ASRGL1: variants seen among roughly 807,000 people sequenced by gnomAD.
ASRGL1 encodes asparaginase and isoaspartyl peptidase 1.
Under a neutral mutation model 22.4 loss-of-function variants are expected in ASRGL1, and 16 were observed. The ratio of observed to expected loss-of-function variants is 0.71; its 90% CI spans 0.48 to 1.08. The LOEUF is 1.08. ASRGL1 is among the 50% of genes least tolerant of loss of function. The probability of loss-of-function intolerance (pLI) is 0.00; values close to 1 mark genes in which losing one functional copy is unlikely to be tolerated. For synonymous variants in ASRGL1, 165 were observed against 159.3 expected, an observed-to-expected ratio of 1.04 and a Z score of -0.27; for missense variants, 412 against 410.1, an observed-to-expected ratio of 1.00 and a Z score of -0.04.
At position 62,383,913 on chromosome 11, in the gene ASRGL1, C is replaced by CAAA. The variant is rs35068655; in HGVS notation, c.492-5206_492-5204dup. ...TGGGCGACAGGGCAAGAGTTGGTCT[C>CAAA]AAAAAAAAAAAAAAAATCAGTACTC... is the stretch of plus-strand genomic sequence containing the variant. On this transcript the variant is annotated intron_variant, in intron 4 of 6. Transcript: ENST00000415229. Among the ~76,000 whole-genome samples the CAAA allele has an allele frequency of 1.1e-3, 132 of 122,230 alleles. 9 individuals are homozygous for CAAA. The highest frequency in any genetic ancestry group is 1.8e-3 in the East Asian group (7 of 3,996). 80.2% of individuals were successfully genotyped at this position (122,230 alleles called of 152,430 possible).
chr11:62,352,866 T>C (rs1204717718), intron 2 of ASRGL1, among the ~76,000 whole-genome samples: 2 of 152,184 alleles, frequency 1.3e-5, no homozygotes, highest in Non-Finnish European at 2.9e-5. Flanking sequence ...TTTTTGTCTT[T>C]AGTTTGCGGT....
intron 4 of ASRGL1, among the ~76,000 whole-genome samples, chr11:62,368,078 T>C (rs1439128091): frequency 4.6e-5 from 7 of 152,234 alleles, no homozygotes; most frequent in Admixed American, 4.6e-4. Context: ...TTTCACTTTC[T>C]GTGCTTTCAG....
At chr11:62,383,602 C>CAAAAAAAAAAAAAAAAAAAAAAAA (rs35096038) in intron 4 of ASRGL1, among the ~76,000 whole-genome samples, 3 of 21,932 alleles carry the variant, frequency 1.4e-4, no homozygotes, top group Non-Finnish European at 2.2e-4. Context: ...GACTCCTACT[C>CAAAAAAAAAAAAAAAAAAAAAAAA]AAAAAAAAAA....
chr11:62,345,599 A>G (rs1945996714), intron 2 of ASRGL1, among the ~76,000 whole-genome samples: 1 of 152,164 alleles, frequency 6.6e-6, no homozygotes, highest in Non-Finnish European at 1.5e-5. Flanking sequence ...GCATATTGCA[A>G]GTCCCCTGGT....
intron 4 of ASRGL1, chr11:62,371,864 G>A (rs1298933643): frequency 1.9e-6 from 1 of 533,300 alleles, no homozygotes; most frequent in African/African-American, 2.0e-5. Flanking sequence ...TGAGGCAGGA[G>A]AATGGCGTGA....
intron 2 of ASRGL1, among the ~76,000 whole-genome samples, chr11:62,355,833 A>G (rs1315415372): frequency 6.6e-6 from 1 of 152,088 alleles, no homozygotes; most frequent in African/African-American, 2.4e-5. Flanking sequence ...CTTAACGAGC[A>G]TGCTGCCTTC....
downstream of ASRGL1, among the ~76,000 whole-genome samples, chr11:62,394,148 TTTATATA>T (rs1158813108): frequency 4.8e-5 from 4 of 83,972 alleles, no homozygotes; most frequent in East Asian, 4.1e-4. Context: ...ATATATAACA[TTTATATA>T]ATACATATAT....
At position 62,386,075 on chromosome 11, in the gene ASRGL1, T is replaced by C. The variant is rs562248949; in HGVS notation, c.492-3058T>C. Among the ~76,000 whole-genome samples, 495 of 152,110 alleles carry C rather than the reference T, an allele frequency of 3.3e-3. 1 individual carries two copies. The highest frequency in any genetic ancestry group is 5.0e-3 in the Admixed American group (76 of 15,278). ...TACTCGGGAGGCTTAGGCAGGAGAA[T>C]AGCTTGAACCCATGAGGCAGAGGTT... On this transcript the variant is annotated intron_variant, in intron 4 of 6. Transcript: ENST00000415229.
chr11:62,351,797 G>A (rs1220670599), intron 2 of ASRGL1, among the ~76,000 whole-genome samples: 2 of 151,978 alleles, frequency 1.3e-5, no homozygotes, highest in Non-Finnish European at 2.9e-5. Flanking sequence ...TCAGCCTCCC[G>A]AGTAAAGCTG....
chr11:62,340,537 C>CCTA (rs1328704242), intron 2 of ASRGL1, among the ~76,000 whole-genome samples: 4 of 152,194 alleles, frequency 2.6e-5, no homozygotes, highest in Non-Finnish European at 5.9e-5. Flanking sequence ...AACAATTTGT[C>CCTA]ATCTGCATGC....
rs977678055 is a variant in ASRGL1, at chr11:62,356,199, C to T, written c.191-126C>T. 23 of 1,140,390 alleles carry T rather than the reference C, an allele frequency of 2.0e-5. No individual in the cohort carries two copies. In the African/African-American group the frequency reaches 2.2e-4, roughly 11 times the overall value. 70.6% of individuals were successfully genotyped at this position (1,140,390 alleles called of 1,614,324 possible). On this transcript the variant is annotated intron_variant, in intron 2 of 6. Transcript: ENST00000415229. ...CTCCTCACTTCCCAGTAGGGGCAGC[C>T]GGGCAGAGGCGCCCCTCACCTCCCG...
intron 3 of ASRGL1, 118 bp downstream of exon 3, chr11:62,356,585 A>G (rs1450053102): frequency 2.4e-6 from 3 of 1,254,312 alleles, no homozygotes; most frequent in Admixed American, 2.7e-5. Context: ...TATATACAAA[A>G]CAGATGCAAT....
intron 4 of ASRGL1, among the ~76,000 whole-genome samples, chr11:62,366,259 CAA>C (rs1239284598): frequency 3.0e-4 from 26 of 86,778 alleles, no homozygotes; most frequent in African/African-American, 8.5e-4. Flanking sequence ...AAGACTGTCT[CAA>C]AAAAAAAAAA....
intron 4 of ASRGL1, among the ~76,000 whole-genome samples, chr11:62,357,741 A>G (rs182797200): frequency 2.0e-5 from 3 of 152,238 alleles, no homozygotes; most frequent in Admixed American, 1.3e-4. Flanking sequence ...CAAATTAGTC[A>G]TTTTCTGAAT....
chr11:62,387,640 A>T (rs10897266), intron 4 of ASRGL1, among the ~76,000 whole-genome samples: 51,698 of 151,804 alleles, frequency 0.34, 10,135 homozygotes, highest in Middle Eastern at 0.48. Context: ...CTGCAGAGAC[A>T]CTCTGTGTAA....
chr11:62,383,589 C>A (rs1340003700), intron 4 of ASRGL1, among the ~76,000 whole-genome samples: 1 of 82,084 alleles, frequency 1.2e-5, no homozygotes, highest in Non-Finnish European at 2.3e-5. Context: ...GGCGACAGAG[C>A]GAGACTCCTA....
intron 2 of ASRGL1, among the ~76,000 whole-genome samples, chr11:62,339,975 T>C (rs1309657989): frequency 6.6e-6 from 1 of 152,064 alleles, no homozygotes; most frequent in African/African-American, 2.4e-5. Flanking sequence ...GTGTAATTCT[T>C]CCTGAGACCG....
intron 4 of ASRGL1, among the ~76,000 whole-genome samples, chr11:62,365,979 G>T (rs905443336): frequency 1.0e-4 from 15 of 150,430 alleles, no homozygotes; most frequent in African/African-American, 3.7e-4. Context: ...AACATTCATG[G>T]CTGGGTGTGG....
intron 4 of ASRGL1, chr11:62,371,301 C>T (rs2134655521): frequency 5.1e-6 from 7 of 1,377,622 alleles, no homozygotes; most frequent in Admixed American, 2.7e-5. Context: ...GCGACGAGGA[C>T]GGCCTGGAGC....
Sources: allele counts gnomAD v4.1 joint callset (sites outside exome capture counted in the v4.1 genomes callset), GRCh38; gene constraint gnomAD v4.1.1; transcripts MANE v1.5; gene names NCBI Gene and HGNC (gene_info 2026-07-23, HGNC 2026-07-21).